Variants in MIR2052HG observed in about 807,000 individuals in gnomAD.
The protein encoded by MIR2052HG is MIR2052 host gene.
intron 2 of MIR2052HG, among the ~76,000 whole-genome samples, chr8:74,681,067 G>T (rs1809118702): frequency 9.0e-6 from 1 of 111,310 alleles, no homozygotes; most frequent in African/African-American, 3.4e-5. Flanking sequence ...CTGTTGTGGG[G>T]TGGGGGGAGG....
intron 4 of MIR2052HG, among the ~76,000 whole-genome samples, chr8:74,742,558 C>T (rs1174907266): frequency 6.6e-6 from 1 of 151,958 alleles, no homozygotes; most frequent in African/African-American, 2.4e-5. Context: ...GAGGCACCAA[C>T]CACATTAAAA....
intron 4 of MIR2052HG, among the ~76,000 whole-genome samples, chr8:74,731,351 T>G (rs1809690702): frequency 6.6e-6 from 1 of 152,188 alleles, no homozygotes; most frequent in African/African-American, 2.4e-5. Flanking sequence ...GGCCAGCAGT[T>G]TGTCATTGCA....
At chr8:74,737,553 T>G (rs1809780399) in intron 4 of MIR2052HG, among the ~76,000 whole-genome samples, 1 of 152,206 alleles carries the variant, frequency 6.6e-6, no homozygotes, top group Non-Finnish European at 1.5e-5. Context: ...CACCTCCTGC[T>G]ATTTACTATT....
intron 2 of MIR2052HG, among the ~76,000 whole-genome samples, chr8:74,699,593 G>A (rs1287926009): frequency 1.3e-5 from 2 of 152,148 alleles, no homozygotes; most frequent in East Asian, 1.9e-4. Flanking sequence ...CTATGAGGAT[G>A]CAAAGGTGTA....
intron 4 of MIR2052HG, among the ~76,000 whole-genome samples, chr8:74,747,981 C>CT (rs960055930): frequency 5.3e-5 from 8 of 152,096 alleles, no homozygotes; most frequent in African/African-American, 1.9e-4. Flanking sequence ...TTCTCATGGT[C>CT]TTTTTTTGCT....
At chr8:74,649,301 A>C (rs1808728053) in intron 2 of MIR2052HG, among the ~76,000 whole-genome samples, 1 of 151,934 alleles carries the variant, frequency 6.6e-6, no homozygotes, top group Admixed American at 6.6e-5. Flanking sequence ...CCTTGGATAC[A>C]TTTTTTTCTT....
At chr8:74,653,366 A>C (rs985456430) in intron 2 of MIR2052HG, among the ~76,000 whole-genome samples, 1 of 152,218 alleles carries the variant, frequency 6.6e-6, no homozygotes, top group Admixed American at 6.5e-5. Flanking sequence ...AGATGTGCTC[A>C]TTGAAGAGAT....
intron 2 of MIR2052HG, among the ~76,000 whole-genome samples, chr8:74,663,045 T>G (rs1373031557): frequency 1.3e-5 from 2 of 152,176 alleles, no homozygotes; most frequent in Non-Finnish European, 2.9e-5. Flanking sequence ...ATTTTAATCT[T>G]GAATTAATAA....
rs547246643 is a variant in MIR2052HG, at chr8:74,658,716, G to C, written n.217-43663G>C. Reference sequence around the variant, plus strand: ...ATGTTCCTTGAGTTTGCAGAATAATGCCTGACACACAGTAGGTGCTCAATA... The same window carrying C: ...ATGTTCCTTGAGTTTGCAGAATAATCCCTGACACACAGTAGGTGCTCAATA... On this transcript the variant is annotated intron_variant and non_coding_transcript_variant, in intron 2 of 6. Transcript: ENST00000523442. Among the ~76,000 whole-genome samples, 203 of 152,206 alleles carry C rather than the reference G, an allele frequency of 1.3e-3. 1 individual carries two copies. The highest frequency in any genetic ancestry group is 2.1e-3 in the Non-Finnish European group (146 of 68,012).
intron 4 of MIR2052HG, among the ~76,000 whole-genome samples, chr8:74,729,771 T>A (rs1167370208): frequency 2.6e-5 from 4 of 151,986 alleles, no homozygotes; most frequent in Non-Finnish European, 5.9e-5. Flanking sequence ...ACAGAAGGGG[T>A]AGGAAAACAT....
At chr8:74,753,842 C>T (rs1043613271) in intron 5 of MIR2052HG, among the ~76,000 whole-genome samples, 7 of 152,212 alleles carry the variant, frequency 4.6e-5, no homozygotes, top group Non-Finnish European at 1.5e-5. Context: ...CTATGCTCTT[C>T]TCTTAATGTG....
intron 2 of MIR2052HG, among the ~76,000 whole-genome samples, chr8:74,622,142 C>A (rs1350058924): frequency 1.3e-5 from 2 of 152,124 alleles, no homozygotes; most frequent in Non-Finnish European, 2.9e-5. Context: ...GAAATATTTG[C>A]AAGCTATGTA....
chr8:74,689,030 CTA>C (rs1202799473), intron 2 of MIR2052HG, among the ~76,000 whole-genome samples: 12 of 152,096 alleles, frequency 7.9e-5, no homozygotes, highest in African/African-American at 2.7e-4. Context: ...ATTGTTATCT[CTA>C]TTTTGTAGTA....
intron 2 of MIR2052HG, among the ~76,000 whole-genome samples, chr8:74,691,474 G>A (rs755627868): frequency 6.6e-6 from 1 of 152,098 alleles, no homozygotes; most frequent in African/African-American, 2.4e-5. Flanking sequence ...TTAGTCATTG[G>A]CAATGGGAAA....
At chr8:74,661,830 A>G (rs1362184592) in intron 2 of MIR2052HG, among the ~76,000 whole-genome samples, 1 of 152,212 alleles carries the variant, frequency 6.6e-6, no homozygotes, top group African/African-American at 2.4e-5. Flanking sequence ...ATAGACTCAA[A>G]GCATCCCTAT....
At chr8:74,730,985 G>A (rs186277609) in intron 4 of MIR2052HG, among the ~76,000 whole-genome samples, 1 of 152,298 alleles carries the variant, frequency 6.6e-6, no homozygotes, top group East Asian at 1.9e-4. Flanking sequence ...GGCACACAAT[G>A]TGGGAACTTA....
chr8:74,702,481 G>T (rs187130413), intron 3 of MIR2052HG: 19 of 448,114 alleles, frequency 4.2e-5, no homozygotes, highest in African/African-American at 3.6e-4. Flanking sequence ...CTGAAGACTT[G>T]CCTGTACCTC....
At chr8:74,690,521 G>T (rs1809228649) in intron 2 of MIR2052HG, among the ~76,000 whole-genome samples, 1 of 151,978 alleles carries the variant, frequency 6.6e-6, no homozygotes, top group African/African-American at 2.4e-5. Flanking sequence ...GGTGGCGGGC[G>T]CCTGTAGTCC....
At chr8:74,739,922 C>G (rs1439343297) in intron 4 of MIR2052HG, among the ~76,000 whole-genome samples, 1 of 152,086 alleles carries the variant, frequency 6.6e-6, no homozygotes, top group Non-Finnish European at 1.5e-5. Flanking sequence ...TGGCAGATGG[C>G]TATACACTAT....
Sources: allele counts gnomAD v4.1 joint callset (sites outside exome capture counted in the v4.1 genomes callset), GRCh38; gene constraint gnomAD v4.1.1; transcripts MANE v1.5; gene names NCBI Gene and HGNC (gene_info 2026-07-23, HGNC 2026-07-21).